The following DCHS1 variants were observed in gnomAD, a reference collection of about 807,000 sequenced individuals.
DCHS1 encodes the protein protocadherin-16.
A neutral mutation model predicts 213.9 loss-of-function variants in DCHS1; 78 were observed. That is an observed-to-expected ratio of 0.36 (90% CI 0.30 to 0.44). The LOEUF is 0.44. Ranked by LOEUF, DCHS1 falls within the 20% of genes least tolerant of loss-of-function variation. The pLI is 1.00. For synonymous variants in DCHS1, 1,828 were observed against 1,873.7 expected (o/e 0.98, Z 0.63); for missense variants, 3,946 against 4,395.9 (o/e 0.90, Z 2.89).
rs745492791 is a variant in DCHS1 at position 6,631,754 on chromosome 11, G to C, written c.3537C>G (p.Leu1179=). ...LDREQQSSYQ[L]LVQVQDGGSP... ...TCCCTCCATCCTGCACCTGCACCAG[G>C]AGCTGATAGCTGCTCTGCTGCTCAC... Residue 1179 remains leucine (L), a synonymous_variant, in exon 7 of 21, where the codon CTC becomes CTG. Transcript: ENST00000299441. The C allele has an allele frequency of 6.2e-7, 1 of 1,602,088 alleles. No homozygotes were observed. The highest frequency in any genetic ancestry group is 2.2e-5 in the East Asian group (1 of 44,754).
rs964223154 is a variant in DCHS1, at chr11:6,629,716, G to A, written c.4991C>T (p.Pro1664Leu). ...YSVLLRENNP[P>L]GTSLLTLRAT... is the part of the protein sequence containing the mutation. Reference sequence around the variant, plus strand: ...TCGCAGGGTGAGCAGAGATGTGCCAGGAGGGTTGTTCTCACGCAAGAGGAC... The same window carrying A: ...TCGCAGGGTGAGCAGAGATGTGCCAAGAGGGTTGTTCTCACGCAAGAGGAC... Residue 1664 changes from proline (P) to leucine (L), a missense_variant, in exon 11 of 21, where the codon CCT becomes CTT. Transcript: ENST00000299441. 1 of 1,613,744 alleles carries A rather than the reference G, an allele frequency of 6.2e-7. No homozygotes were observed. Among genetic ancestry groups the A allele is most frequent in the Non-Finnish European group, 8.5e-7 (1 of 1,179,860 alleles).
chr11:6,655,365 A>G (rs1856299649), intron 1 of DCHS1, among the ~76,000 whole-genome samples, 198 bp downstream of exon 1: 1 of 149,428 alleles, frequency 6.7e-6, no homozygotes, highest in Non-Finnish European at 1.5e-5. Context: ...TCGATGACAC[A>G]CGCACACAAA....
Position 6,628,786 on chromosome 11 carries a change from T to C in DCHS1, c.5206A>G (p.Thr1736Ala). The C allele has an allele frequency of 6.2e-7, 1 of 1,613,976 alleles. No individual in the cohort carries two copies. ...RGSPPQLTHV[T>A]VRVAVEDEND... ...TCATCCTCCACAGCCACTCGAACAG[T>C]GACATGCGTTAACTGAGGAGGTGAG... Residue 1736 changes from threonine (T) to alanine (A), a missense_variant, in exon 13 of 21, where the codon ACT becomes GCT. By Grantham distance (58) the Thr-to-Ala change is moderately conservative. This residue lies in a region of DCHS1 where 3,384 missense variants were observed against 3,780.1 expected (regional missense o/e 0.90). Coordinates refer to ENST00000299441, the MANE Select transcript of DCHS1 (RefSeq NM_003737.4). The surrounding 1 kb of genome is among the most constrained non-coding windows in gnomAD (Gnocchi z 4.3).
rs774212303 is a variant in DCHS1, at chr11:6,623,898, AGTACAG to A, written c.7772_7777del (p.Thr2591_Leu2593delinsIle). On this transcript the variant is annotated inframe_deletion, in exon 21 of 21. Transcript: ENST00000299441. ...GACAGGTGGGTTGTCATTGACATCT[AGTACAG>A]TGACAGTGACTGGCACGACTGAGCT... 1 of 1,609,994 alleles carries A rather than the reference AGTACAG, an allele frequency of 6.2e-7. No homozygotes were observed. The highest frequency in any genetic ancestry group is 8.5e-7 in the Non-Finnish European group (1 of 1,176,960).
intron 2 of DCHS1, among the ~76,000 whole-genome samples, chr11:6,636,237 A>G: frequency 6.6e-6 from 1 of 152,180 alleles, no homozygotes; most frequent in East Asian, 1.9e-4. Context: ...TTTTTGAGAC[A>G]GGCTCTCTGT....
intron 1 of DCHS1, among the ~76,000 whole-genome samples, chr11:6,642,966 G>C (rs1856101408): frequency 6.6e-6 from 1 of 152,188 alleles, no homozygotes; most frequent in Admixed American, 6.5e-5. Flanking sequence ...TCAGGAAGTA[G>C]AGAGGCCGGG....
rs773207184 is a variant in DCHS1 at position 6,625,652 on chromosome 11, G to A, written c.6807C>T (p.Asp2269=). 6.2e-7 allele frequency: 1 copy of A among 1,613,500 alleles called. No individual in the cohort carries two copies. Among genetic ancestry groups the A allele is most frequent in the South Asian group, 1.1e-5 (1 of 91,062 alleles). Residue 2269 remains aspartate, a synonymous_variant, in exon 18 of 21, where the codon GAC becomes GAT. Coordinates refer to ENST00000299441, the MANE Select transcript of DCHS1 (RefSeq NM_003737.4). This position sits in a 1 kb window ranked among gnomAD's most constrained non-coding sequence, Gnocchi z 5.3. The stretch of plus-strand genomic sequence containing the variant: ...GGATGGTGGGGCGATTGTCATTGGT[G>A]TCGATGACCATCACCGTCAAGGTAG... The part of the protein sequence containing the change: ...GSATLTVMVI[D]TNDNRPTIPQ...
At chr11:6,634,492 C>T (rs1855960592) in intron 2 of DCHS1, among the ~76,000 whole-genome samples, 186 bp from the exon 3 acceptor site, 1 of 152,132 alleles carries the variant, frequency 6.6e-6, no homozygotes, top group South Asian at 2.1e-4. Context: ...TCCTAAGTGC[C>T]TCTAGCCATA....
At position 6,627,984 on chromosome 11, in the gene DCHS1, T is replaced by C. The variant is rs1406839185; in HGVS notation, c.5372-317A>G. On this transcript the variant is annotated intron_variant, in intron 13 of 20. Coordinates refer to ENST00000299441, the MANE Select transcript of DCHS1 (RefSeq NM_003737.4). The surrounding 1 kb of genome is among the most constrained non-coding windows in gnomAD (Gnocchi z 5.4). ...TACAGTAGAATTTACAGATGCTCTA[T>C]GACGTGATGATATAATGTCTTGGTT... Among the ~76,000 whole-genome samples the C allele has an allele frequency of 6.6e-6, 1 of 151,850 alleles. No individual in the cohort carries two copies. Among genetic ancestry groups the C allele is most frequent in the Non-Finnish European group, 1.5e-5 (1 of 67,978 alleles).
Position 6,626,501 on chromosome 11 carries a change from C to T in DCHS1, c.6364+51G>A, listed in dbSNP as rs1462752736. 6.2e-6 allele frequency: 10 copies of T among 1,607,732 alleles called. No individual in the cohort carries two copies. Among genetic ancestry groups the T allele is most frequent in the Non-Finnish European group, 8.5e-6 (10 of 1,175,290 alleles). Reference sequence around the variant, plus strand: ...CAAAGGCTCCTCTGATGCAAAGAACCTGCTTCCCCAGTAGCCTGTCCTGCA... The same window carrying T: ...CAAAGGCTCCTCTGATGCAAAGAACTTGCTTCCCCAGTAGCCTGTCCTGCA... On this transcript the variant is annotated intron_variant, in intron 15 of 20. Transcript: ENST00000299441. This position sits in a 1 kb window ranked among gnomAD's most constrained non-coding sequence, Gnocchi z 5.2.
At position 6,640,212 on chromosome 11, in the gene DCHS1, T is replaced by G. The variant is rs541058491; in HGVS notation, c.1402A>C (p.Asn468His). ...FVLHVTDVND[N>H]APAFDRQLYR... is the part of the protein sequence containing the mutation. Reference sequence around the variant, plus strand: ...AGCTGGCGGTCAAAGGCAGGTGCATTGTCGTTGACATCAGTGACGTGCAGC... The same window carrying G: ...AGCTGGCGGTCAAAGGCAGGTGCATGGTCGTTGACATCAGTGACGTGCAGC... Residue 468 changes from asparagine to histidine, a missense_variant, in exon 2 of 21, where the codon AAT becomes CAT. By Grantham distance (68) the Asn-to-His change is moderately conservative. Coordinates refer to ENST00000299441, the MANE Select transcript of DCHS1 (RefSeq NM_003737.4). The surrounding 1 kb of genome is among the most constrained non-coding windows in gnomAD (Gnocchi z 6.5). The G allele has an allele frequency of 5.0e-6, 8 of 1,613,382 alleles. No homozygotes were observed. The African/African-American group carries it at 1.1e-4, about 21-fold the overall frequency.
rs753904647 is a variant in DCHS1 at position 6,640,050 on chromosome 11, A to G, written c.1564T>C (p.Ser522Pro). ...ATAATGCCTGAGGTGGGGTCAATGGAGAACCAGTGGGTGTGGGCGCCAGGG... is the reference window on the plus strand; with the variant it reads ...ATAATGCCTGAGGTGGGGTCAATGGGGAACCAGTGGGTGTGGGCGCCAGGG... ...LAPGAHTHWFSIDPTSGIITT... is the reference protein window; with the variant it reads ...LAPGAHTHWFPIDPTSGIITT... The change falls in exon 2 of 21, where the codon TCC (serine) becomes CCC (proline). Residue 522 changes from serine (S) to proline (P), a missense_variant. Ser to Pro is a moderately conservative substitution (Grantham distance 74, BLOSUM62 -1). Around this residue, in one of 3 missense-constraint regions of DCHS1, gnomAD observed 3,384 missense variants for 3,780.1 expected, o/e 0.90. Coordinates refer to ENST00000299441, the MANE Select transcript of DCHS1 (RefSeq NM_003737.4). The surrounding 1 kb of genome is among the most constrained non-coding windows in gnomAD (Gnocchi z 6.5). 6.2e-7 allele frequency: 1 copy of G among 1,613,994 alleles called. No homozygotes were observed. Among genetic ancestry groups the G allele is most frequent in the South Asian group, 1.1e-5 (1 of 91,074 alleles).
In DCHS1 at chr11:6,624,030, C is replaced by T. The variant is rs535854670; in HGVS notation, c.7646G>A (p.Arg2549Gln). The change falls in exon 21 of 21, where the codon CGG (arginine) becomes CAG (glutamine). Residue 2549 changes from arginine (R) to glutamine (Q), a missense_variant. Coordinates refer to ENST00000299441, the MANE Select transcript of DCHS1 (RefSeq NM_003737.4). ...AAGCAACACCAGGCAGCCCAGTGCC[C>T]GGGGGCCTGGTCCAGCACTCTCCCC... ...EAGESAGPGP[R>Q]ALGCLVLLEP... is the part of the protein sequence containing the mutation. The T allele has an allele frequency of 1.8e-5, 29 of 1,613,534 alleles. No homozygotes were observed. The Admixed American group carries it at 2.3e-4, about 13-fold the overall frequency.
chr11:6,641,413 C>G lies in DCHS1; in HGVS notation c.201G>C (p.Gly67=). The change falls in exon 2 of 21, where the codon GGG becomes GGC. Residue 67 remains glycine (G), a synonymous_variant. Transcript: ENST00000299441. The surrounding 1 kb of genome is among the most constrained non-coding windows in gnomAD (Gnocchi z 7.1). ...AGTLIGDISA[G]LPAGTAAPLM... is the part of the protein sequence containing the mutation. ...GAGGAGCTGCCGTGCCTGCCGGAAG[C>G]CCCGCACTGATGTCGCCAATCAGTG... The G allele has an allele frequency of 6.2e-7, 1 of 1,613,276 alleles. No homozygotes were observed. The highest frequency in any genetic ancestry group is 8.5e-7 in the Non-Finnish European group (1 of 1,179,812).
In DCHS1 at chr11:6,623,847, G is replaced by A; in HGVS notation, c.7829C>T (p.Thr2610Ile). The A allele has an allele frequency of 6.2e-7, 1 of 1,612,466 alleles. No individual in the cohort carries two copies. The highest frequency in any genetic ancestry group is 1.1e-5 in the South Asian group (1 of 91,048). ...PVFTRASYRV[T>I]VPEDTPVGAE... ...TCCAACAGGTGTGTCCTCAGGTACT[G>A]TCACACGGTAGGATGCTCGGGTAAA... is the stretch of plus-strand genomic sequence containing the variant. The change falls in exon 21 of 21, where the codon ACA becomes ATA. Residue 2610 changes from threonine (T) to isoleucine (I), a missense_variant. Transcript: ENST00000299441.
chr11:6,628,650 G>A lies in DCHS1; in HGVS notation c.5342C>T (p.Ala1781Val). Residue 1781 changes from alanine (A) to valine (V), a missense_variant, in exon 13 of 21, where the codon GCC becomes GTC. By Grantham distance (64) the Ala-to-Val change is moderately conservative. This residue lies in a region of DCHS1 where 3,384 missense variants were observed against 3,780.1 expected (regional missense o/e 0.90). Transcript: ENST00000299441. This position sits in a 1 kb window ranked among gnomAD's most constrained non-coding sequence, Gnocchi z 4.3. ...MLRASDPDVGANGQLQYRILD... is the reference protein window; with the variant it reads ...MLRASDPDVGVNGQLQYRILD... Reference sequence around the variant, plus strand: ...GATGCGGTACTGCAACTGCCCATTGGCTCCCACATCTGGATCAGAGGCCCG... The same window carrying A: ...GATGCGGTACTGCAACTGCCCATTGACTCCCACATCTGGATCAGAGGCCCG... 2 of 1,614,018 alleles carry A rather than the reference G, an allele frequency of 1.2e-6. No homozygotes were observed. Among genetic ancestry groups the A allele is most frequent in the Non-Finnish European group, 1.7e-6 (2 of 1,179,886 alleles).
intron 2 of DCHS1, among the ~76,000 whole-genome samples, chr11:6,634,599 T>C (rs1264831851): frequency 6.6e-6 from 1 of 152,230 alleles, no homozygotes; most frequent in Non-Finnish European, 1.5e-5. Flanking sequence ...TTCATTAACA[T>C]TGAACTCACA....
intron 2 of DCHS1, among the ~76,000 whole-genome samples, chr11:6,636,806 T>C (rs1326834948): frequency 6.6e-6 from 1 of 152,196 alleles, no homozygotes; most frequent in African/African-American, 2.4e-5. Flanking sequence ...TCTCAGGGCC[T>C]TGCCTTTTAC....
Position 6,630,259 on chromosome 11 carries a change from A to G in DCHS1, c.4535T>C (p.Leu1512Pro). ...DRETTPALLLLVEATDRPANA... is the reference protein window; with the variant it reads ...DRETTPALLLPVEATDRPANA... ...GGCGGGCCGGTCGGTGGCTTCCACC[A>G]GCAGCAGCAGCGCGGGAGTGGTCTC... Residue 1512 changes from leucine to proline, a missense_variant, in exon 10 of 21, where the codon CTG (leucine) becomes CCG (proline). Leu to Pro is a moderately conservative substitution (Grantham distance 98). Transcript: ENST00000299441. The G allele has an allele frequency of 6.5e-7, 1 of 1,538,340 alleles. No homozygotes were observed. Among genetic ancestry groups the G allele is most frequent in the Non-Finnish European group, 8.7e-7 (1 of 1,145,500 alleles).
Sources: allele counts gnomAD v4.1 joint callset (sites outside exome capture counted in the v4.1 genomes callset), GRCh38; gene constraint gnomAD v4.1.1; regional missense constraint gnomAD v4.1.1; non-coding constraint Gnocchi (gnomAD v3.1); transcripts MANE v1.5; gene names NCBI Gene and HGNC (gene_info 2026-07-23, HGNC 2026-07-21).